The following MAX variants were observed in gnomAD, a reference collection of about 807,000 sequenced individuals.
MAX encodes the protein protein max.
Under a neutral mutation model 22.3 loss-of-function variants are expected in MAX, and 3 were observed. That is an observed-to-expected ratio of 0.13 (90% CI 0.06 to 0.35). The LOEUF (loss-of-function observed/expected upper bound fraction) is 0.35. Ranked by LOEUF, MAX falls within the 10% of genes least tolerant of loss-of-function variation. The pLI, the probability that MAX is intolerant of heterozygous loss-of-function variation, is 1.00. For missense variants in MAX, 119 were observed against 209.4 expected (o/e 0.57, Z 2.66); for synonymous variants, 72 against 77.7 (o/e 0.93, Z 0.39).
At chr14:65,020,194 A>G (rs949166622) in intron 3 of MAX, among the ~76,000 whole-genome samples, 4 of 152,248 alleles carry the variant, frequency 2.6e-5, no homozygotes, top group African/African-American at 4.8e-5. Context: ...GTCAGCTGCT[A>G]TGACCGCTGA....
At chr14:65,050,472 T>G (rs2062581851) in intron 3 of MAX, among the ~76,000 whole-genome samples, 1 of 152,048 alleles carries the variant, frequency 6.6e-6, no homozygotes, top group African/African-American at 2.4e-5. Context: ...GTACCTGTAA[T>G]CCAAGGTACT....
intron 3 of MAX, among the ~76,000 whole-genome samples, chr14:65,081,071 A>T (rs2063187123): frequency 6.6e-6 from 1 of 152,230 alleles, no homozygotes; most frequent in Non-Finnish European, 1.5e-5. Context: ...TCTTGGGAAC[A>T]ACAGGAGTCC....
intron 3 of MAX, among the ~76,000 whole-genome samples, chr14:65,055,503 A>C (rs1307094964): frequency 6.6e-6 from 1 of 152,014 alleles, no homozygotes; most frequent in Non-Finnish European, 1.5e-5. Context: ...TGTTTAAAAA[A>C]ATTTTTTTTT....
At chr14:65,039,306 G>C (rs949882438) in intron 3 of MAX, among the ~76,000 whole-genome samples, 2 of 152,174 alleles carry the variant, frequency 1.3e-5, no homozygotes, top group African/African-American at 2.4e-5. Flanking sequence ...ATGGGGCTGG[G>C]GGTATTGTGT....
At position 65,084,836 on chromosome 14, in the gene MAX, T is replaced by C. The variant is rs889506294; in HGVS notation, c.172-6800A>G. 1.3e-5 allele frequency among the ~76,000 whole-genome samples: 2 copies of C among 152,222 alleles called. No homozygotes were observed. Among genetic ancestry groups the C allele is most frequent in the Non-Finnish European group, 2.9e-5 (2 of 68,044 alleles). On this transcript the variant is annotated intron_variant, in intron 3 of 4. Coordinates refer to ENST00000358664, the MANE Select transcript of MAX (RefSeq NM_002382.5). The surrounding 1 kb of genome is among the most constrained non-coding windows in gnomAD (Gnocchi z 4.3). Reference sequence around the variant, plus strand: ...AGGAATACACAAATTGATAACACTATATTTCCTTGCTTGTTAGACTCCATC... The same window carrying C: ...AGGAATACACAAATTGATAACACTACATTTCCTTGCTTGTTAGACTCCATC...
chr14:65,071,984 G>A (rs1008865808), downstream of MAX, among the ~76,000 whole-genome samples: 10 of 152,218 alleles, frequency 6.6e-5, no homozygotes, highest in Admixed American at 1.3e-4. This position sits in a 1 kb window ranked among gnomAD's most constrained non-coding sequence, Gnocchi z 4.2. Context: ...TGAGTTAGCC[G>A]CTGCCCTAGT....
intron 3 of MAX, among the ~76,000 whole-genome samples, chr14:65,036,734 C>G (rs2062202029): frequency 6.6e-6 from 1 of 152,036 alleles, no homozygotes. Context: ...TGCTCTGTCA[C>G]CCAGGTTGGA....
intron 3 of MAX, among the ~76,000 whole-genome samples, chr14:65,017,292 C>T (rs2061793804): frequency 6.6e-6 from 1 of 152,106 alleles, no homozygotes; most frequent in Admixed American, 6.6e-5. Flanking sequence ...CACTCCTACA[C>T]AATCAGGATA....
chr14:65,015,644 C>T (rs2061759630), intron 3 of MAX: 13 of 1,614,124 alleles, frequency 8.1e-6, no homozygotes, highest in Non-Finnish European at 1.1e-5. Context: ...GCCAGCCGCC[C>T]ATGGCTCTGC....
rs1262036575 is a variant in MAX, at chr14:65,007,575, CA to C, written c.172-1292del. On this transcript the variant is annotated intron_variant, in intron 3 of 3. Transcript: ENST00000341653. This position sits in a 1 kb window ranked among gnomAD's most constrained non-coding sequence, Gnocchi z 4.9. ...TACATTCTATACTTAATCCCCTTCC[CA>C]GAAATGATTTTCTTCTCTAAGGTTG... Among the ~76,000 whole-genome samples the C allele has an allele frequency of 6.6e-6, 1 of 152,230 alleles. No individual in the cohort carries two copies. The highest frequency in any genetic ancestry group is 1.5e-5 in the Non-Finnish European group (1 of 68,044).
chr14:65,044,719 C>T lies in MAX; in HGVS notation c.172-38435G>A, dbSNP rs1314244240. On this transcript the variant is annotated intron_variant, in intron 3 of 3. Coordinates refer to the MAX transcript ENST00000341653. The surrounding 1 kb of genome is among the most constrained non-coding windows in gnomAD (Gnocchi z 5.5). The stretch of plus-strand genomic sequence containing the variant: ...GGGAGCGGGGAGGAAGTGGGCGCTG[C>T]TTCTGCGTTATCTGGAAGGAGCAGC... The T allele has an allele frequency of 4.4e-6, 2 of 458,010 alleles. No homozygotes were observed. The allele number at this position is 458,010 out of a possible 1,614,324, so 28.4% of individuals were successfully genotyped here.
Position 65,070,084 on chromosome 14 carries a change from C to A in MAX, c.171+23624G>T, listed in dbSNP as rs1047964845. ...AGCCATGGGCTGCCGGGCTGCCAGG[C>A]TGCCAGCCGGATTCCGGATGAGTGA... On this transcript the variant is annotated intron_variant, in intron 3 of 3. Coordinates refer to the MAX transcript ENST00000341653. This position sits in a 1 kb window ranked among gnomAD's most constrained non-coding sequence, Gnocchi z 4.4. Among the ~76,000 whole-genome samples the A allele has an allele frequency of 3.0e-4, 45 of 152,204 alleles. No individual in the cohort carries two copies. The highest frequency in any genetic ancestry group is 1.0e-3 in the African/African-American group (42 of 41,468).
In MAX at chr14:65,032,718, C is replaced by G; in HGVS notation, c.172-26434G>C. ...CAAGGTGAGAGAAGCCAGGGTTTCTCCTGGCCTCTTGGAGAGCAGGCGGTC... is the reference window on the plus strand; with the variant it reads ...CAAGGTGAGAGAAGCCAGGGTTTCTGCTGGCCTCTTGGAGAGCAGGCGGTC... On this transcript the variant is annotated intron_variant, in intron 3 of 3. Coordinates refer to the MAX transcript ENST00000341653. This position sits in a 1 kb window ranked among gnomAD's most constrained non-coding sequence, Gnocchi z 5.0. The G allele has an allele frequency of 1.2e-6, 2 of 1,610,806 alleles. No homozygotes were observed. Among genetic ancestry groups the G allele is most frequent in the Non-Finnish European group, 1.7e-6 (2 of 1,179,072 alleles).
intron 3 of MAX, among the ~76,000 whole-genome samples, chr14:65,043,277 A>G (rs2062392347): frequency 6.6e-6 from 1 of 152,254 alleles, no homozygotes; most frequent in African/African-American, 2.4e-5. Context: ...GAGTGTGTTT[A>G]GAAAACTTGT....
In MAX at chr14:65,076,833, T is replaced by C; in HGVS notation, c.296-170A>G. 1.4e-6 allele frequency: 1 copy of C among 723,760 alleles called. No homozygotes were observed. The highest frequency in any genetic ancestry group is 1.5e-5 in the South Asian group (1 of 65,332). The allele number at this position is 723,760 out of a possible 1,614,324, so 44.8% of individuals were successfully genotyped here. A position where few individuals can be genotyped will look rare whatever the true frequency, so the allele number is the denominator to read the frequency against. On this transcript the variant is annotated intron_variant, in intron 4 of 4. Transcript: ENST00000358664. The surrounding 1 kb of genome is among the most constrained non-coding windows in gnomAD (Gnocchi z 6.6). ...GGTGGCTGTTCACTCACACACTTCA[T>C]TTCCCTCCCGCCTTTCCCAGCTGGA...
chr14:65,014,104 A>G lies in MAX; in HGVS notation c.172-7820T>C, dbSNP rs2061730216. Among the ~76,000 whole-genome samples the G allele has an allele frequency of 6.6e-6, 1 of 152,132 alleles. No individual in the cohort carries two copies. The highest frequency in any genetic ancestry group is 1.5e-5 in the Non-Finnish European group (1 of 68,014). On this transcript the variant is annotated intron_variant, in intron 3 of 3. Coordinates refer to the MAX transcript ENST00000341653. The surrounding 1 kb of genome is among the most constrained non-coding windows in gnomAD (Gnocchi z 5.1). ...GAAGAGAGCAGCTTGGGCCAACGGAAAGAACACTGGATTGACTCTAAAAAC... is the reference window on the plus strand; with the variant it reads ...GAAGAGAGCAGCTTGGGCCAACGGAGAGAACACTGGATTGACTCTAAAAAC...
Position 65,084,744 on chromosome 14 carries a change from T to C in MAX, c.172-6708A>G, listed in dbSNP as rs2063283581. The stretch of plus-strand genomic sequence containing the variant: ...TGTATGACCTAGCGAAAAAATATAT[T>C]ATGTAAAAGCAGCAAGCTATAAATA... On this transcript the variant is annotated intron_variant, in intron 3 of 4. Coordinates refer to ENST00000358664, the MANE Select transcript of MAX (RefSeq NM_002382.5). This position sits in a 1 kb window ranked among gnomAD's most constrained non-coding sequence, Gnocchi z 4.3. 6.6e-6 allele frequency among the ~76,000 whole-genome samples: 1 copy of C among 152,196 alleles called. No homozygotes were observed. Among genetic ancestry groups the C allele is most frequent in the South Asian group, 2.1e-4 (1 of 4,832 alleles).
rs543815724 is a variant in MAX at position 65,035,856 on chromosome 14, A to G, written c.172-29572T>C. Among the ~76,000 whole-genome samples the G allele has an allele frequency of 8.1e-5, 12 of 148,886 alleles. No homozygotes were observed. The East Asian group carries it at 2.2e-3, about 27-fold the overall frequency. Reference sequence around the variant, plus strand: ...GCTTTTTTTTTTTTTCTTTGAAGACACGGTCTTGCTTGTTGCCCTGGCTGG... The same window carrying G: ...GCTTTTTTTTTTTTTCTTTGAAGACGCGGTCTTGCTTGTTGCCCTGGCTGG... On this transcript the variant is annotated intron_variant, in intron 3 of 3. Transcript: ENST00000341653.
chr14:65,016,921 T>TTG lies in MAX; in HGVS notation c.172-10638_172-10637insCA, dbSNP rs1491454001. Among the ~76,000 whole-genome samples the TTG allele has an allele frequency of 3.8e-3, 170 of 44,268 alleles. 1 individual carries two copies. The highest frequency in any genetic ancestry group is 0.02 in the African/African-American group (170 of 8,490). The allele number at this position is 44,268 out of a possible 152,430, so 29.0% of individuals were successfully genotyped here. A position where few individuals can be genotyped will look rare whatever the true frequency, so the allele number is the denominator to read the frequency against. On this transcript the variant is annotated intron_variant, in intron 3 of 3. Transcript: ENST00000341653. ...AATTGTCAAAGAAAGGCCCACGTGG[T>TTG]TTTTTTTTTTTTTTTTTTTGAGACA...
Sources: allele counts gnomAD v4.1 joint callset (sites outside exome capture counted in the v4.1 genomes callset), GRCh38; gene constraint gnomAD v4.1.1; non-coding constraint Gnocchi (gnomAD v3.1); transcripts MANE v1.5; gene names NCBI Gene and HGNC (gene_info 2026-07-23, HGNC 2026-07-21).